The following TSPEAR variants were observed in gnomAD, a reference collection of about 807,000 sequenced individuals.
TSPEAR encodes the protein thrombospondin type laminin G domain and EAR repeats.
A neutral mutation model predicts 71.6 loss-of-function variants in TSPEAR; 69 were observed. The ratio of observed to expected loss-of-function variants is 0.96; its 90% CI spans 0.79 to 1.18. The LOEUF (loss-of-function observed/expected upper bound fraction) is 1.18. Ranked by LOEUF, TSPEAR falls within the 50% of genes most tolerant of loss-of-function variation. The pLI is 0.00. For missense variants in TSPEAR, 971 were observed against 894.9 expected (o/e 1.09, Z -1.09); for synonymous variants, 402 against 387.2 (o/e 1.04, Z -0.45).
chr21:44,599,134 T>TTTTCTCTCTCTCTCTCTCTCTCTC (rs1980574952), intron 1 of TSPEAR, among the ~76,000 whole-genome samples: 1 of 92,280 alleles, frequency 1.1e-5, no homozygotes, highest in Non-Finnish European at 2.4e-5. Flanking sequence ...GGCCCCCATT[T>TTTTCTCTCTCTCTCTCTCTCTCTC]TCTCTCTCTC....
chr21:44,641,503 G>A (rs1311901734), intron 1 of TSPEAR, among the ~76,000 whole-genome samples: 1 of 152,224 alleles, frequency 6.6e-6, no homozygotes, highest in Admixed American at 6.5e-5. Flanking sequence ...AGATCTGAGT[G>A]GGAAGAGCCC....
At chr21:44,669,680 A>T (rs4401291) in intron 1 of TSPEAR, among the ~76,000 whole-genome samples, 1 of 152,256 alleles carries the variant, frequency 6.6e-6, no homozygotes, top group African/African-American at 2.4e-5. Context: ...GGCAACAGCC[A>T]TCCCAGTATT....
At chr21:44,702,271 T>C (rs1555951641) in intron 1 of TSPEAR, 2 of 1,607,590 alleles carry the variant, frequency 1.2e-6, no homozygotes, top group Non-Finnish European at 1.7e-6. Flanking sequence ...CCCGGAGAGC[T>C]GCTGCGAGCC....
intron 1 of TSPEAR, among the ~76,000 whole-genome samples, chr21:44,594,543 T>G (rs987623683): frequency 4.6e-5 from 7 of 152,220 alleles, no homozygotes; most frequent in African/African-American, 1.4e-4. Context: ...TTTGGACGGG[T>G]CAGTGTGTTT....
chr21:44,549,077 C>T (rs191735782), intron 2 of TSPEAR, among the ~76,000 whole-genome samples: 30 of 152,324 alleles, frequency 2.0e-4, no homozygotes, highest in Admixed American at 8.5e-4. Flanking sequence ...TTATTTTTGA[C>T]GCAAATCCTG....
intron 1 of TSPEAR, chr21:44,702,725 T>C (rs1269395340): frequency 1.4e-6 from 2 of 1,460,328 alleles, no homozygotes; most frequent in Middle Eastern, 1.8e-4. Flanking sequence ...GCCTCCTGCG[T>C]GTCCCTCCTC....
At chr21:44,684,434 T>C (rs1986761988) in intron 1 of TSPEAR, among the ~76,000 whole-genome samples, 1 of 152,174 alleles carries the variant, frequency 6.6e-6, no homozygotes, top group Non-Finnish European at 1.5e-5. Context: ...TTCAGGAGGA[T>C]GAGGCAGGAG....
intron 2 of TSPEAR, among the ~76,000 whole-genome samples, chr21:44,554,445 T>C (rs1444739006): frequency 6.6e-6 from 1 of 152,162 alleles, no homozygotes; most frequent in African/African-American, 2.4e-5. Context: ...TTCCAGAACG[T>C]AGAAGCTGGG....
At chr21:44,559,790 G>A (rs972741159) in intron 2 of TSPEAR, among the ~76,000 whole-genome samples, 6 of 152,128 alleles carry the variant, frequency 3.9e-5, no homozygotes, top group Admixed American at 6.6e-5. Flanking sequence ...CTCACTCTAT[G>A]ATCGCTATTT....
intron 1 of TSPEAR, among the ~76,000 whole-genome samples, chr21:44,587,194 C>T (rs1555925808): frequency 6.6e-6 from 1 of 152,174 alleles, no homozygotes. Context: ...AGCAAAGTTT[C>T]CAGATGCAAA....
chr21:44,682,664 T>G (rs1335982003), intron 1 of TSPEAR, among the ~76,000 whole-genome samples: 1 of 152,212 alleles, frequency 6.6e-6, no homozygotes, highest in Non-Finnish European at 1.5e-5. Flanking sequence ...CAACCAGCAG[T>G]GCAGACTGTG....
At chr21:44,669,158 C>T (rs1156641012) in intron 1 of TSPEAR, among the ~76,000 whole-genome samples, 1 of 152,200 alleles carries the variant, frequency 6.6e-6, no homozygotes, top group Non-Finnish European at 1.5e-5. Context: ...ACTCAGGTGG[C>T]TCACGCCTGT....
intron 1 of TSPEAR, among the ~76,000 whole-genome samples, chr21:44,577,707 C>G (rs1213067382): frequency 6.6e-6 from 1 of 152,208 alleles, no homozygotes; most frequent in Non-Finnish European, 1.5e-5. Flanking sequence ...ACCATATCAC[C>G]TACCAAATAG....
rs1982562105 is a variant in TSPEAR, at chr21:44,623,215, C to T, written c.83-55210G>A. Among the ~76,000 whole-genome samples, 1 of 152,184 alleles carries T rather than the reference C, an allele frequency of 6.6e-6. No individual in the cohort carries two copies. The highest frequency in any genetic ancestry group is 2.1e-4 in the South Asian group (1 of 4,832). ...ACAGTGAGGTTCTGGGTGGATATGA[C>T]TTTTGGGGAGGCAAGATTCAACCCA... On this transcript the variant is annotated intron_variant, in intron 1 of 11. Coordinates refer to ENST00000323084, the MANE Select transcript of TSPEAR (RefSeq NM_144991.3). This position sits in a 1 kb window ranked among gnomAD's most constrained non-coding sequence, Gnocchi z 4.5.
At chr21:44,518,713 C>CCT (rs1555913861) in intron 9 of TSPEAR, 1 of 470,390 alleles carries the variant, frequency 2.1e-6, no homozygotes, top group African/African-American at 2.0e-5. Context: ...GAAGTGACTG[C>CCT]CTACGTCTTC....
At chr21:44,558,134 G>A (rs782707169) in intron 2 of TSPEAR, 62 of 1,613,020 alleles carry the variant, frequency 3.8e-5, no homozygotes, top group Admixed American at 8.3e-5. Flanking sequence ...GGAGGGACAC[G>A]CAGGAGGCCG....
At chr21:44,537,783 G>A (rs1369267031) in intron 2 of TSPEAR, among the ~76,000 whole-genome samples, 1 of 152,178 alleles carries the variant, frequency 6.6e-6, no homozygotes, top group East Asian at 1.9e-4. Context: ...GATGGACAGA[G>A]GATCCCCAGC....
intron 8 of TSPEAR, 140 bp downstream of exon 8, chr21:44,525,513 G>C: frequency 3.2e-6 from 3 of 932,246 alleles, no homozygotes; most frequent in Non-Finnish European, 4.8e-6. Context: ...CAGACAGTGA[G>C]GAACGGTCCA....
intron 1 of TSPEAR, among the ~76,000 whole-genome samples, chr21:44,658,799 G>GTAACAACAAAACCCAAACCACGGTCA: frequency 6.6e-6 from 1 of 152,218 alleles, no homozygotes; most frequent in Non-Finnish European, 1.5e-5. Context: ...ATGTTACCCA[G>GTAACAACAAAACCCAAACCACGGTCA]ATGCCTGGGA....
Sources: allele counts gnomAD v4.1 joint callset (sites outside exome capture counted in the v4.1 genomes callset), GRCh38; gene constraint gnomAD v4.1.1; non-coding constraint Gnocchi (gnomAD v3.1); transcripts MANE v1.5; gene names NCBI Gene and HGNC (gene_info 2026-07-23, HGNC 2026-07-21).